Variants in TREML1 observed in about 807,000 individuals in gnomAD.
TREML1 encodes triggering receptor expressed on myeloid cells like 1.
Under a neutral mutation model 22.8 loss-of-function variants are expected in TREML1, and 27 were observed. The observed-to-expected ratio is 1.19, with a 90% CI of 0.87 to 1.64. The LOEUF is 1.64. Among genes scored for constraint, TREML1 ranks in the 40% most tolerant of loss-of-function variants. The pLI is 0.00. For synonymous variants in TREML1, 153 were observed against 161.9 expected (o/e 0.94, Z 0.42); for missense variants, 356 against 382.0 (o/e 0.93, Z 0.57).
At chr6:41,149,973 TG>T (rs1765203396) in intron 5 of TREML1, 55 bp from the exon 6 acceptor site, 1 of 1,548,874 alleles carries the variant, frequency 6.5e-7, no homozygotes, top group African/African-American at 1.4e-5. Context: ...GAACTCCCTT[TG>T]GTGGGAAGCC....
chr6:41,150,968 G>T, intron 3 of TREML1, 61 bp from the exon 4 acceptor site: 1 of 1,414,468 alleles, frequency 7.1e-7, no homozygotes, highest in Non-Finnish European at 1.0e-6. Context: ...CTGCTGGCCA[G>T]GAGCCCTGGA....
chr6:41,154,968 GT>G (rs1386847257), upstream of TREML1, among the ~76,000 whole-genome samples: 1 of 151,958 alleles, frequency 6.6e-6, no homozygotes. Context: ...AATGTCGTGT[GT>G]TCATCTCATT....
chr6:41,154,006 T>G lies in TREML1; in HGVS notation c.128A>C (p.Gln43Pro). ...CCACACCTTCTGAGCTTTGACATCC[T>G]GGAGCCTGTAGTGGCACTGCACCAG... is the stretch of plus-strand genomic sequence containing the variant. ...SILVQCHYRL[Q>P]DVKAQKVWCR... The change falls in exon 2 of 6, where the codon CAG becomes CCG. Residue 43 changes from glutamine (Q) to proline (P), a missense_variant. Physicochemically the swap from Gln to Pro is moderately conservative, Grantham distance 76 (BLOSUM62 -1). Coordinates refer to ENST00000426005, the MANE Select transcript of TREML1 (RefSeq NM_178174.4). The G allele has an allele frequency of 6.2e-7, 1 of 1,614,184 alleles. No homozygotes were observed. Among genetic ancestry groups the G allele is most frequent in the South Asian group, 1.1e-5 (1 of 91,092 alleles).
At chr6:41,151,540 GTTC>G in intron 2 of TREML1, 156 bp from the exon 3 acceptor site, 1 of 636,794 alleles carries the variant, frequency 1.6e-6, no homozygotes, top group South Asian at 1.8e-5. Context: ...AGGCTGGGAT[GTTC>G]TTTAGGGGCC....
rs1485015082 is a variant in TREML1, at chr6:41,150,427, TC to T, written c.569-115del. On this transcript the variant is annotated intron_variant, in intron 4 of 5. Coordinates refer to ENST00000426005, the MANE Select transcript of TREML1 (RefSeq NM_178174.4). Reference sequence around the variant, plus strand: ...CCTCTTCACTACTGCAGACTCACCTTCCCCACTCCCACCACCAAACCTTTAC... The same window carrying T: ...CCTCTTCACTACTGCAGACTCACCTTCCCACTCCCACCACCAAACCTTTAC... 4 of 932,462 alleles carry T rather than the reference TC, an allele frequency of 4.3e-6. No homozygotes were observed. In the African/African-American group the frequency reaches 5.0e-5, roughly 12 times the overall value. 57.8% of individuals were successfully genotyped at this position (932,462 alleles called of 1,614,324 possible).
chr6:41,150,965 C>G, intron 3 of TREML1, 58 bp from the exon 4 acceptor site: 1 of 1,467,672 alleles, frequency 6.8e-7, no homozygotes, highest in South Asian at 1.1e-5. Context: ...GAGCTGCTGG[C>G]CAGGAGCCCT....
intron 2 of TREML1, among the ~76,000 whole-genome samples, chr6:41,152,731 G>A (rs1765295918): frequency 6.6e-6 from 1 of 151,976 alleles, no homozygotes; most frequent in South Asian, 2.1e-4. Flanking sequence ...AAATTAGCTG[G>A]GCATGGTGGT....
rs192884648 is a variant in TREML1, at chr6:41,151,200, C to T, written c.479+82G>A. The T allele has an allele frequency of 1.4e-5, 17 of 1,236,290 alleles. No homozygotes were observed. The East Asian group carries it at 3.0e-4, about 22-fold the overall frequency. The allele number at this position is 1,236,290 out of a possible 1,614,324, so 76.6% of individuals were successfully genotyped here. On this transcript the variant is annotated intron_variant, in intron 3 of 5. Transcript: ENST00000426005. ...GGGAAGAATCATAGGTTTTCCCCTT[C>T]GATTTAGTTTGGAGCTCTAAACAAG...
At chr6:41,151,258 T>C (rs765071918) in intron 3 of TREML1, 24 bp downstream of exon 3, 2 of 1,604,644 alleles carry the variant, frequency 1.2e-6, no homozygotes, top group Non-Finnish European at 1.7e-6. Context: ...TCTCCTGGCC[T>C]CCCAAATCCA....
rs756964562 is a variant in TREML1, at chr6:41,150,882, G to A, written c.505C>T (p.Leu169Phe). Residue 169 changes from leucine (L) to phenylalanine (F), a missense_variant, in exon 4 of 6, where the codon CTC becomes TTC. Coordinates refer to ENST00000426005, the MANE Select transcript of TREML1 (RefSeq NM_178174.4). ...KSIPLIWGAVLLVGLLVAAVV... is the reference protein window; with the variant it reads ...KSIPLIWGAVFLVGLLVAAVV... The stretch of plus-strand genomic sequence containing the variant: ...GCTGCCACCAGCAGACCTACCAGGA[G>A]CACAGCACCCCAGATCAAGGGGATG... 1.2e-6 allele frequency: 2 copies of A among 1,614,148 alleles called. No individual in the cohort carries two copies. The highest frequency in any genetic ancestry group is 1.7e-6 in the Non-Finnish European group (2 of 1,179,996).
At chr6:41,154,183 G>A (rs1290867067) in intron 1 of TREML1, 63 bp downstream of exon 1, 16 of 1,592,346 alleles carry the variant, frequency 1.0e-5, no homozygotes, top group African/African-American at 2.7e-5. Context: ...ACAATAACAC[G>A]TTACTCCTGG....
Position 41,153,763 on chromosome 6 carries a change from G to C in TREML1, c.371C>G (p.Pro124Arg), listed in dbSNP as rs1454492417. 6.2e-7 allele frequency: 1 copy of C among 1,604,468 alleles called. No homozygotes were observed. The highest frequency in any genetic ancestry group is 8.5e-7 in the Non-Finnish European group (1 of 1,174,398). Residue 124 changes from proline to arginine, a missense_variant, in exon 2 of 6, where the codon CCC becomes CGC. Pro to Arg is a moderately radical substitution (Grantham distance 103). Coordinates refer to ENST00000426005, the MANE Select transcript of TREML1 (RefSeq NM_178174.4). Reference protein sequence around the residue: ...ILHRVSLNILPPEEEEETHKI... With the variant: ...ILHRVSLNILRPEEEEETHKI... Reference sequence around the variant, plus strand: ...GCTGGCCTAGGATAACTCACCTGGGGGCAGTATGTTCAGAGAGACTCTGTG... The same window carrying C: ...GCTGGCCTAGGATAACTCACCTGGGCGCAGTATGTTCAGAGAGACTCTGTG...
intron 2 of TREML1, among the ~76,000 whole-genome samples, chr6:41,153,442 C>G (rs1765325287): frequency 6.6e-6 from 1 of 151,796 alleles, no homozygotes; most frequent in Non-Finnish European, 1.5e-5. Flanking sequence ...TAAAATATTT[C>G]TAATTAAAAA....
In TREML1 at chr6:41,149,654, A is replaced by C. The variant is rs764843146; in HGVS notation, c.886T>G (p.Ser296Ala). 2 of 1,613,976 alleles carry C rather than the reference A, an allele frequency of 1.2e-6. No individual in the cohort carries two copies. Among genetic ancestry groups the C allele is most frequent in the African/African-American group, 1.3e-5 (1 of 74,916 alleles). Residue 296 changes from serine (S) to alanine (A), a missense_variant, in exon 6 of 6, where the codon TCG (serine) becomes GCG (alanine). Ser to Ala is a moderately conservative substitution (Grantham distance 99). Coordinates refer to ENST00000426005, the MANE Select transcript of TREML1 (RefSeq NM_178174.4). ...FPGGNKGGGT[S>A]CGPAQNPPNN... The stretch of plus-strand genomic sequence containing the variant: ...GGTGGATTCTGGGCTGGCCCACACG[A>C]GGTCCCTCCACCCTTGTTCCCTCCC...
rs765242675 is a variant in TREML1, at chr6:41,149,873, C to T, written c.667G>A (p.Ala223Thr). The part of the protein sequence containing the change: ...VHHVSDSGPA[A>T]ELPLDVPHIR... Reference sequence around the variant, plus strand: ...TGTGGTACATCCAAAGGCAATTCAGCAGCCGGTCCAGAGTCACTGACGTGG... The same window carrying T: ...TGTGGTACATCCAAAGGCAATTCAGTAGCCGGTCCAGAGTCACTGACGTGG... The change falls in exon 6 of 6, where the codon GCT becomes ACT. Residue 223 changes from alanine to threonine, a missense_variant. Ala to Thr is a moderately conservative substitution (Grantham distance 58). Coordinates refer to ENST00000426005, the MANE Select transcript of TREML1 (RefSeq NM_178174.4). 1.9e-6 allele frequency: 3 copies of T among 1,614,098 alleles called. No homozygotes were observed. The highest frequency in any genetic ancestry group is 2.2e-5 in the South Asian group (2 of 91,082).
rs752688235 is a variant in TREML1 at position 41,151,261 on chromosome 6, C to T, written c.479+21G>A. 21 of 1,610,300 alleles carry T rather than the reference C, an allele frequency of 1.3e-5. No individual in the cohort carries two copies. The South Asian group carries it at 2.2e-4, about 17-fold the overall frequency. ...CACCACCACCCTTCTCCTGGCCTCCCAAATCCAATCCTGTCAGTACCTCTT... is the reference window on the plus strand; with the variant it reads ...CACCACCACCCTTCTCCTGGCCTCCTAAATCCAATCCTGTCAGTACCTCTT... On this transcript the variant is annotated intron_variant, in intron 3 of 5. Transcript: ENST00000426005.
chr6:41,149,399 G>C lies in TREML1; in HGVS notation c.*205C>G. On this transcript the variant is annotated 3_prime_UTR_variant, in exon 6 of 6. Transcript: ENST00000426005. The stretch of plus-strand genomic sequence containing the variant: ...AGTGTGTAATGGTAGAAGAACCAGT[G>C]GGGGAGTTGGGTGCAGGGAGGTCTT... The C allele has an allele frequency of 3.6e-6, 2 of 561,096 alleles. No individual in the cohort carries two copies. The highest frequency in any genetic ancestry group is 2.9e-5 in the East Asian group (1 of 34,964). 34.8% of individuals were successfully genotyped at this position (561,096 alleles called of 1,614,324 possible).
chr6:41,149,780 A>T lies in TREML1; in HGVS notation c.760T>A (p.Ser254Thr), dbSNP rs754347781. 3.7e-6 allele frequency: 6 copies of T among 1,614,164 alleles called. No homozygotes were observed. The highest frequency in any genetic ancestry group is 5.1e-6 in the Non-Finnish European group (6 of 1,180,018). Residue 254 changes from serine (S) to threonine (T), a missense_variant, in exon 6 of 6, where the codon TCA (serine) becomes ACA (threonine). Coordinates refer to ENST00000426005, the MANE Select transcript of TREML1 (RefSeq NM_178174.4). ...GGAGCTGGGAGTGAAGGTTTTCCTG[A>T]TGGGGAATCAAGAGGTAGGCTGGTG... ...TYTSLPLDSP[S>T]GKPSLPAPSS...
At chr6:41,150,113 A>G in intron 5 of TREML1, 148 bp downstream of exon 5, 1 of 1,006,348 alleles carries the variant, frequency 9.9e-7, no homozygotes, top group Middle Eastern at 2.1e-4. Flanking sequence ...GGAGACCATT[A>G]GTGTCAAGTT....
Sources: allele counts gnomAD v4.1 joint callset (sites outside exome capture counted in the v4.1 genomes callset), GRCh38; gene constraint gnomAD v4.1.1; transcripts MANE v1.5; gene names NCBI Gene and HGNC (gene_info 2026-07-23, HGNC 2026-07-21).